GRXCR1: variants seen among roughly 807,000 people sequenced by gnomAD.
GRXCR1 encodes the protein glutaredoxin domain-containing cysteine-rich protein 1.
In GRXCR1, 27 loss-of-function variants were observed where a neutral mutation model predicts 27.3. The ratio of observed to expected loss-of-function variants is 0.99; its 90% CI spans 0.73 to 1.37. The LOEUF (loss-of-function observed/expected upper bound fraction) is 1.37, where lower values mean the gene tolerates loss of function less well. Ranked by LOEUF, GRXCR1 falls within the 40% of genes most tolerant of loss-of-function variation. The pLI is 0.00. For missense variants in GRXCR1, 379 were observed against 354.4 expected (o/e 1.07, Z -0.56); for synonymous variants, 122 against 131.1 (o/e 0.93, Z 0.47).
At chr4:42,976,231 G>A (rs538599949) in intron 2 of GRXCR1, among the ~76,000 whole-genome samples, 1 of 152,048 alleles carries the variant, frequency 6.6e-6, no homozygotes, top group Admixed American at 6.6e-5. Context: ...TTGGTGACCT[G>A]GTCACAGTTA....
chr4:42,919,770 T>A (rs2109750119), intron 1 of GRXCR1, among the ~76,000 whole-genome samples: 1 of 152,238 alleles, frequency 6.6e-6, no homozygotes, highest in African/African-American at 2.4e-5. Flanking sequence ...CAGAACTCAT[T>A]CTTTATTTTA....
intron 2 of GRXCR1, among the ~76,000 whole-genome samples, chr4:43,001,225 A>C (rs930278405): frequency 6.6e-6 from 1 of 152,096 alleles, no homozygotes; most frequent in African/African-American, 2.4e-5. Context: ...GTATGCAGTA[A>C]AATATAAAAT....
chr4:43,007,828 T>A (rs1194080681), intron 2 of GRXCR1, among the ~76,000 whole-genome samples: 1 of 152,236 alleles, frequency 6.6e-6, no homozygotes, highest in African/African-American at 2.4e-5. Context: ...TTGCTTTGGA[T>A]CTTAGAAGCT....
At chr4:42,985,840 G>T (rs532620679) in intron 2 of GRXCR1, among the ~76,000 whole-genome samples, 1 of 152,166 alleles carries the variant, frequency 6.6e-6, no homozygotes, top group Admixed American at 6.5e-5. Flanking sequence ...GCTATTCGTT[G>T]TCTAATCCTG....
Position 42,893,559 on chromosome 4 carries a change from A to T in GRXCR1, c.293A>T (p.Asn98Ile). 1 of 1,613,854 alleles carries T rather than the reference A, an allele frequency of 6.2e-7. No individual in the cohort carries two copies. Among genetic ancestry groups the T allele is most frequent in the Non-Finnish European group, 8.5e-7 (1 of 1,179,824 alleles). Reference protein sequence around the residue: ...SEKGFGTRRVNILSKNGTVRG... With the variant: ...SEKGFGTRRVIILSKNGTVRG... ...AAGGGTTTTGGTACAAGAAGAGTCA[A>T]CATTTTAAGCAAAAATGGCACAGTC... Residue 98 changes from asparagine (N) to isoleucine (I), a missense_variant, in exon 1 of 4, where the codon AAC becomes ATC. Asn to Ile is a moderately radical substitution (Grantham distance 149, BLOSUM62 -3). Transcript: ENST00000399770.
chr4:42,959,362 T>C (rs1230419745), intron 1 of GRXCR1, among the ~76,000 whole-genome samples: 2 of 151,642 alleles, frequency 1.3e-5, no homozygotes, highest in Non-Finnish European at 2.9e-5. Context: ...ATATGTGGAA[T>C]CTGAAAAACA....
At chr4:42,956,088 G>C (rs10010956) in intron 1 of GRXCR1, among the ~76,000 whole-genome samples, 8,867 of 152,162 alleles carry the variant, frequency 0.058, 507 homozygotes, top group African/African-American at 0.15. Flanking sequence ...ACATAGGTTA[G>C]CTATTTGGTA....
intron 2 of GRXCR1, among the ~76,000 whole-genome samples, chr4:42,987,465 A>G (rs972596649): frequency 4.6e-5 from 7 of 151,350 alleles, no homozygotes. Context: ...TATTTTTTGT[A>G]GAGACGGGGG....
intron 1 of GRXCR1, among the ~76,000 whole-genome samples, chr4:42,908,190 T>G (rs1746640253): frequency 6.6e-6 from 1 of 152,178 alleles, no homozygotes; most frequent in South Asian, 2.1e-4. Context: ...CTGAACCTGC[T>G]TGAGCCTGAG....
At chr4:42,996,706 A>G (rs1335300584) in intron 2 of GRXCR1, among the ~76,000 whole-genome samples, 2 of 152,234 alleles carry the variant, frequency 1.3e-5, no homozygotes, top group Middle Eastern at 3.4e-3. Flanking sequence ...ATCATCCTTA[A>G]TTATCATGTT....
chr4:42,947,332 G>A (rs942878420), intron 1 of GRXCR1, among the ~76,000 whole-genome samples: 8 of 152,080 alleles, frequency 5.3e-5, no homozygotes, highest in African/African-American at 1.9e-4. Flanking sequence ...GACGAGGGAT[G>A]TTGTATTTGC....
chr4:43,027,011 C>A (rs1014765536), intron 3 of GRXCR1, among the ~76,000 whole-genome samples: 1 of 152,122 alleles, frequency 6.6e-6, no homozygotes, highest in African/African-American at 2.4e-5. Flanking sequence ...AACCTTAAAC[C>A]AGAAGGCGAA....
chr4:42,955,083 G>A (rs570781010), intron 1 of GRXCR1, among the ~76,000 whole-genome samples: 35 of 152,060 alleles, frequency 2.3e-4, no homozygotes, highest in Non-Finnish European at 4.3e-4. Context: ...AGCCGCATGT[G>A]CCTGCTATTT....
intron 2 of GRXCR1, among the ~76,000 whole-genome samples, chr4:42,988,918 A>G (rs1358712293): frequency 2.0e-5 from 3 of 152,320 alleles, no homozygotes; most frequent in Non-Finnish European, 4.4e-5. Context: ...ATTTCTCTCT[A>G]TTATAATCAT....
In GRXCR1 at chr4:43,004,609, G is replaced by A. The variant is rs572772650; in HGVS notation, c.628-15745G>A. On this transcript the variant is annotated intron_variant, in intron 2 of 3. Coordinates refer to ENST00000399770, the MANE Select transcript of GRXCR1 (RefSeq NM_001080476.3). ...GGGAGCCCACCCTTTGCATCAGTGT[G>A]CCCTGGAGACATGTAGTCAAAGGAG... Among the ~76,000 whole-genome samples, 14 of 152,324 alleles carry A rather than the reference G, an allele frequency of 9.2e-5. 1 individual carries two copies. Among genetic ancestry groups the A allele is most frequent in the African/African-American group, 3.1e-4 (13 of 41,570 alleles).
At chr4:42,915,003 C>A (rs967861314) in intron 1 of GRXCR1, among the ~76,000 whole-genome samples, 1 of 152,088 alleles carries the variant, frequency 6.6e-6, no homozygotes, top group African/African-American at 2.4e-5. Flanking sequence ...GTTCCCCAGC[C>A]ATGTGGAACT....
In GRXCR1 at chr4:42,963,058, A is replaced by T. The variant is rs886059417; in HGVS notation, c.551A>T (p.Glu184Val). The change falls in exon 2 of 4, where the codon GAG (glutamate) becomes GTG (valine). Residue 184 changes from glutamate (E) to valine (V), a missense_variant. Transcript: ENST00000399770. ...NIALNGEYGK[E>V]LDERCRRVSE... ...GCCCTGAATGGTGAATATGGAAAAG[A>T]GTTAGACGAACGATGCCGACGAGTT... The T allele has an allele frequency of 6.2e-6, 10 of 1,612,894 alleles. No homozygotes were observed. Among genetic ancestry groups the T allele is most frequent in the Non-Finnish European group, 8.5e-6 (10 of 1,179,104 alleles).
chr4:43,022,611 A>G (rs894936190), intron 3 of GRXCR1, among the ~76,000 whole-genome samples: 2 of 152,198 alleles, frequency 1.3e-5, no homozygotes, highest in Non-Finnish European at 2.9e-5. Context: ...GGGATATAGT[A>G]AAACTGGTGG....
At chr4:42,932,619 T>TATAAAGAGAGAGAG (rs1249820617) in intron 1 of GRXCR1, among the ~76,000 whole-genome samples, 1 of 22,924 alleles carries the variant, frequency 4.4e-5, no homozygotes, top group Non-Finnish European at 7.6e-5. Context: ...TATATATATA[T>TATAAAGAGAGAGAG]AGAGAGAGAG....
Sources: allele counts gnomAD v4.1 joint callset (sites outside exome capture counted in the v4.1 genomes callset), GRCh38; gene constraint gnomAD v4.1.1; transcripts MANE v1.5; gene names NCBI Gene and HGNC (gene_info 2026-07-23, HGNC 2026-07-21).